BEAN1: variants seen among roughly 807,000 people sequenced by gnomAD.
BEAN1 encodes the protein protein BEAN1.
In BEAN1, 17 loss-of-function variants were observed where a neutral mutation model predicts 17.7. That is an observed-to-expected ratio of 0.96 (90% CI 0.66 to 1.44). The LOEUF (loss-of-function observed/expected upper bound fraction) is 1.44, where lower values mean the gene tolerates loss of function less well. Ranked by LOEUF, BEAN1 falls within the 40% of genes most tolerant of loss-of-function variation. The pLI is 0.00. For synonymous variants in BEAN1, 142 were observed against 151.8 expected (o/e 0.94, Z 0.47); for missense variants, 359 against 374.1 (o/e 0.96, Z 0.33).
At chr16:66,432,721 T>G (rs576394053) in intron 1 of BEAN1, among the ~76,000 whole-genome samples, 1 of 152,316 alleles carries the variant, frequency 6.6e-6, no homozygotes, top group East Asian at 1.9e-4. Context: ...CTCCTCCTTC[T>G]TCCTCACCCT....
At chr16:66,437,534 C>G (rs1362721320) in intron 1 of BEAN1, 61 bp from the exon 2 acceptor site, 7 of 986,152 alleles carry the variant, frequency 7.1e-6, no homozygotes, top group Non-Finnish European at 1.0e-5. Context: ...GAGCGCCCAG[C>G]CTGCAGGGGC....
At position 66,471,658 on chromosome 16, in the gene BEAN1, A is replaced by AC; in HGVS notation, c.289+1793_289+1794insC. ...GTCGGACAAGTGGCCACAGTTGAGG[A>AC]AAGACACAGCAGGCTAGTGGACTGT... On this transcript the variant is annotated intron_variant, in intron 3 of 4. Transcript: ENST00000536005. The surrounding 1 kb of genome is among the most constrained non-coding windows in gnomAD (Gnocchi z 4.7). Among the ~76,000 whole-genome samples, 1 of 152,234 alleles carries AC rather than the reference A, an allele frequency of 6.6e-6. No homozygotes were observed. The highest frequency in any genetic ancestry group is 6.5e-5 in the Admixed American group (1 of 15,292).
chr16:66,459,672 T>C (rs1377083059), intron 2 of BEAN1, among the ~76,000 whole-genome samples: 2 of 152,154 alleles, frequency 1.3e-5, no homozygotes, highest in Non-Finnish European at 2.9e-5. Context: ...GTATGGTCCC[T>C]GCAAGCCCCT....
intron 2 of BEAN1, among the ~76,000 whole-genome samples, chr16:66,457,460 T>C (rs1471591879): frequency 6.6e-6 from 1 of 152,144 alleles, no homozygotes; most frequent in Admixed American, 6.5e-5. Flanking sequence ...GCATGGACCA[T>C]GACAAGACAT....
intron 4 of BEAN1, among the ~76,000 whole-genome samples, chr16:66,479,420 G>T (rs771804295): frequency 2.0e-5 from 3 of 152,046 alleles, no homozygotes; most frequent in African/African-American, 4.8e-5. Context: ...CTCCATTGTG[G>T]TCAGGCACCC....
chr16:66,435,188 G>A (rs1403976916), intron 1 of BEAN1, among the ~76,000 whole-genome samples: 1 of 152,158 alleles, frequency 6.6e-6, no homozygotes, highest in Non-Finnish European at 1.5e-5. Flanking sequence ...GAGCATCAGG[G>A]CAGCCGGTCT....
In BEAN1 at chr16:66,469,761, A is replaced by C. The variant is rs1450062965; in HGVS notation, c.185A>C (p.Asp62Ala). 1.0e-5 allele frequency: 16 copies of C among 1,535,934 alleles called. No homozygotes were observed. Among genetic ancestry groups the C allele is most frequent in the Non-Finnish European group, 1.4e-5 (16 of 1,146,888 alleles). ...ATCATTGTGGGCAGCATCCGCAGGG[A>C]CAGGCAGGCCCGGCTTCAGCGGCAC... ...ITIIVGSIRR[D>A]RQARLQRHRH... The change falls in exon 3 of 5, where the codon GAC (aspartate) becomes GCC (alanine). Residue 62 changes from aspartate (D) to alanine (A), a missense_variant. Coordinates refer to ENST00000536005, the MANE Select transcript of BEAN1 (RefSeq NM_001178020.3).
intron 3 of BEAN1, among the ~76,000 whole-genome samples, chr16:66,477,261 A>G (rs1289321321): frequency 6.6e-6 from 1 of 152,070 alleles, no homozygotes; most frequent in African/African-American, 2.4e-5. Context: ...TAGGACCTCT[A>G]CCAAAGCTCA....
At chr16:66,477,527 C>A in intron 3 of BEAN1, 33 bp from the exon 4 acceptor site, 1 of 1,501,342 alleles carries the variant, frequency 6.7e-7, no homozygotes, top group South Asian at 1.3e-5. Context: ...GGATCCTGGT[C>A]TGAGGCCCAG....
rs1597035172 is a variant in BEAN1, at chr16:66,473,690, C to G, written c.289+3825C>G. On this transcript the variant is annotated intron_variant, in intron 3 of 4. Transcript: ENST00000536005. The surrounding 1 kb of genome is among the most constrained non-coding windows in gnomAD (Gnocchi z 4.5). ...CCAGCCTGAGCAACAGAGCAAGACC[C>G]TGTCTCTAAATAAATAAATAAATAA... Among the ~76,000 whole-genome samples the G allele has an allele frequency of 6.6e-6, 1 of 152,012 alleles. No homozygotes were observed. The highest frequency in any genetic ancestry group is 6.6e-5 in the Admixed American group (1 of 15,256).
rs541724811 is a variant in BEAN1, at chr16:66,448,764, G to A, written c.25+11063G>A. Among the ~76,000 whole-genome samples the A allele has an allele frequency of 4.6e-5, 7 of 152,218 alleles. No homozygotes were observed. The South Asian group carries it at 8.3e-4, about 18-fold the overall frequency. Reference sequence around the variant, plus strand: ...CTTGAACCCAGGAGGCAGAGGTTGCGGTGAGCCGAGATCGTGCCACTGCAC... The same window carrying A: ...CTTGAACCCAGGAGGCAGAGGTTGCAGTGAGCCGAGATCGTGCCACTGCAC... On this transcript the variant is annotated intron_variant, in intron 2 of 4. Transcript: ENST00000536005.
At chr16:66,451,819 G>T (rs1315325128) in intron 2 of BEAN1, among the ~76,000 whole-genome samples, 2 of 152,222 alleles carry the variant, frequency 1.3e-5, no homozygotes, top group Non-Finnish European at 2.9e-5. Flanking sequence ...CCAGAGTTCT[G>T]TCCTAGTCCA....
intron 1 of BEAN1, among the ~76,000 whole-genome samples, chr16:66,431,938 C>G (rs542638449): frequency 6.6e-6 from 1 of 152,176 alleles, no homozygotes; most frequent in South Asian, 2.1e-4. Flanking sequence ...TCCCGAGTAG[C>G]TGGGATCACA....
chr16:66,437,924 T>C (rs1962095043), intron 2 of BEAN1: 2 of 642,408 alleles, frequency 3.1e-6, no homozygotes, highest in Non-Finnish European at 5.6e-6. Flanking sequence ...CATTCTTCTG[T>C]ATCAGCCCTT....
chr16:66,452,595 T>A (rs1962713374), intron 2 of BEAN1, among the ~76,000 whole-genome samples: 1 of 152,124 alleles, frequency 6.6e-6, no homozygotes, highest in African/African-American at 2.4e-5. Flanking sequence ...CCCTCATGGG[T>A]GTTTGGCGAA....
At chr16:66,435,695 G>T (rs1004672906) in intron 1 of BEAN1, among the ~76,000 whole-genome samples, 5 of 152,080 alleles carry the variant, frequency 3.3e-5, no homozygotes, top group Non-Finnish European at 2.9e-5. Flanking sequence ...CACTGTGTTA[G>T]CCAGGATGGT....
chr16:66,491,729 G>A (rs1336078650), intron 4 of BEAN1, among the ~76,000 whole-genome samples: 2 of 152,094 alleles, frequency 1.3e-5, no homozygotes, highest in African/African-American at 4.8e-5. Flanking sequence ...TAAGGAGCAC[G>A]CAACCTAGAT....
chr16:66,469,394 C>A (rs1963378771), intron 2 of BEAN1, among the ~76,000 whole-genome samples: 1 of 152,180 alleles, frequency 6.6e-6, no homozygotes. Context: ...GGACAGTCAG[C>A]CCTCACTACC....
downstream of BEAN1, among the ~76,000 whole-genome samples, chr16:66,495,230 T>C (rs375160985): frequency 1.8e-4 from 27 of 152,262 alleles, no homozygotes; most frequent in East Asian, 1.7e-3. Context: ...CAGGAAGCAG[T>C]ATGCACTGGG....
Sources: allele counts gnomAD v4.1 joint callset (sites outside exome capture counted in the v4.1 genomes callset), GRCh38; gene constraint gnomAD v4.1.1; non-coding constraint Gnocchi (gnomAD v3.1); transcripts MANE v1.5; gene names NCBI Gene and HGNC (gene_info 2026-07-23, HGNC 2026-07-21).